Variants in MMP20 observed in about 807,000 individuals in gnomAD.
MMP20 encodes the protein matrix metallopeptidase 20, also known as matrix metalloproteinase-20.
In MMP20, 50 loss-of-function variants were observed where a neutral mutation model predicts 51.8. The ratio of observed to expected loss-of-function variants is 0.97; its 90% CI spans 0.77 to 1.22. MMP20 has a LOEUF of 1.22. Among genes scored for constraint, MMP20 ranks in the 50% most tolerant of loss-of-function variants. The pLI is 0.00. For synonymous variants in MMP20, 244 were observed against 216.2 expected, an observed-to-expected ratio of 1.13 and a Z score of -1.13; for missense variants, 663 against 601.4, an observed-to-expected ratio of 1.10 and a Z score of -1.07.
At chr11:102,588,751 T>C (rs1189218576) in intron 8 of MMP20, among the ~76,000 whole-genome samples, 2 of 151,688 alleles carry the variant, frequency 1.3e-5, no homozygotes, top group Admixed American at 6.6e-5. Context: ...TAAAGAACTT[T>C]CTTTAGTATC....
chr11:102,606,994 G>T (rs1238646578), intron 5 of MMP20: 4 of 354,236 alleles, frequency 1.1e-5, no homozygotes, highest in South Asian at 2.9e-5. Flanking sequence ...TTGGCACATA[G>T]TAAGTCTTCT....
rs181347616 is a variant in MMP20, at chr11:102,612,000, C to T, written c.375-97G>A. 8.4e-6 allele frequency: 10 copies of T among 1,193,502 alleles called. No homozygotes were observed. In the Admixed American group the frequency reaches 1.9e-4, roughly 23 times the overall value. 73.9% of individuals were successfully genotyped at this position (1,193,502 alleles called of 1,614,324 possible). On this transcript the variant is annotated intron_variant, in intron 2 of 9. Coordinates refer to ENST00000260228, the MANE Select transcript of MMP20 (RefSeq NM_004771.4). ...TCAAAAAATGTTAAATGTAAATCTACAATTTAGATTTTTCTCTGAAATAAT... is the reference window on the plus strand; with the variant it reads ...TCAAAAAATGTTAAATGTAAATCTATAATTTAGATTTTTCTCTGAAATAAT...
chr11:102,593,068 T>G (rs557625725), intron 8 of MMP20, among the ~76,000 whole-genome samples: 1 of 152,212 alleles, frequency 6.6e-6, no homozygotes, highest in African/African-American at 2.4e-5. Context: ...AATCATGGAG[T>G]ATTGTGGGAT....
rs139717539 is a variant in MMP20 at position 102,609,025 on chromosome 11, T to C, written c.723A>G (p.Ser241=). The stretch of plus-strand genomic sequence containing the variant: ...ACTTATAAGTTGGGTACATCAGTGC[T>C]GATGGGTCTGTGGAATGGGCCAGGC... ...ALGLAHSTDP[S]ALMYPTYKYK... Residue 241 remains serine (S), a synonymous_variant, in exon 5 of 10, where the codon TCA becomes TCG. Transcript: ENST00000260228. 1.1e-3 allele frequency: 1,764 copies of C among 1,614,038 alleles called. 3 individuals carry two copies. Among genetic ancestry groups the C allele is most frequent in the Non-Finnish European group, 1.4e-3 (1,616 of 1,179,880 alleles).
At chr11:102,581,799 C>T (rs767294684) in intron 8 of MMP20, among the ~76,000 whole-genome samples, 12 of 152,072 alleles carry the variant, frequency 7.9e-5, no homozygotes, top group South Asian at 2.1e-4. Context: ...TATGAGAAAA[C>T]GCTCAGCATG....
intron 8 of MMP20, among the ~76,000 whole-genome samples, chr11:102,592,957 A>T (rs1859334738): frequency 6.6e-6 from 1 of 152,238 alleles, no homozygotes; most frequent in Non-Finnish European, 1.5e-5. Flanking sequence ...GGATTTTCAT[A>T]TTCTAGGCTG....
chr11:102,625,110 A>G, intron 1 of MMP20, 84 bp downstream of exon 1: 5 of 1,542,846 alleles, frequency 3.2e-6, no homozygotes, highest in Non-Finnish European at 4.5e-6. Flanking sequence ...AGAACAATAG[A>G]ATTTTTTTCT....
chr11:102,587,298 T>C (rs537257493), intron 8 of MMP20, among the ~76,000 whole-genome samples: 32 of 152,364 alleles, frequency 2.1e-4, no homozygotes, highest in Non-Finnish European at 3.7e-4. Context: ...CTTTATTCTA[T>C]TGTGATCAGA....
intron 2 of MMP20, 144 bp downstream of exon 2, chr11:102,616,668 G>T: frequency 9.5e-7 from 1 of 1,056,876 alleles, no homozygotes; most frequent in Non-Finnish European, 1.4e-6. Context: ...ATTGCCTGAC[G>T]GATGGATGTA....
chr11:102,596,992 A>G (rs930126913), intron 6 of MMP20, among the ~76,000 whole-genome samples: 2 of 152,214 alleles, frequency 1.3e-5, no homozygotes, highest in East Asian at 3.8e-4. Context: ...AATTAATGCA[A>G]TTCAATACAT....
At chr11:102,599,069 G>A (rs1419772033) in intron 6 of MMP20, among the ~76,000 whole-genome samples, 1 of 149,814 alleles carries the variant, frequency 6.7e-6, no homozygotes, top group Non-Finnish European at 1.5e-5. Flanking sequence ...CTGGAGTGCA[G>A]CGGCGCAATC....
At chr11:102,610,759 G>GTT (rs1356660144) in intron 3 of MMP20, among the ~76,000 whole-genome samples, 4 of 146,702 alleles carry the variant, frequency 2.7e-5, no homozygotes, top group Non-Finnish European at 4.5e-5. Flanking sequence ...GTTTTAGTTT[G>GTT]TTTTTTTTTT....
In MMP20 at chr11:102,608,923, G is replaced by C. The variant is rs752261943; in HGVS notation, c.811+14C>G. 2 of 1,613,384 alleles carry C rather than the reference G, an allele frequency of 1.2e-6. No homozygotes were observed. The highest frequency in any genetic ancestry group is 4.5e-5 in the East Asian group (2 of 44,890). On this transcript the variant is annotated intron_variant, in intron 5 of 9. Transcript: ENST00000260228. ...AATTTCAGGGTGAGTCATCAAAGAA[G>C]GTAATAATCTTACCGTATAATGCCT...
intron 9 of MMP20, among the ~76,000 whole-genome samples, chr11:102,578,789 AC>A (rs1437674618): frequency 9.6e-4 from 112 of 116,548 alleles, no homozygotes; most frequent in African/African-American, 4.2e-3. Flanking sequence ...AAACACACAC[AC>A]ACAAAAACAA....
intron 8 of MMP20, among the ~76,000 whole-genome samples, chr11:102,590,247 A>G (rs1214818991): frequency 6.6e-6 from 1 of 152,222 alleles, no homozygotes; most frequent in East Asian, 1.9e-4. Context: ...TGATGGAACC[A>G]TTAGGGCCTG....
At chr11:102,608,914 A>T (rs1229341936) in intron 5 of MMP20, 23 bp downstream of exon 5, 1 of 1,612,812 alleles carries the variant, frequency 6.2e-7, no homozygotes, top group African/African-American at 1.3e-5. Context: ...AGGGTGAGTC[A>T]TCAAAGAAGG....
chr11:102,624,330 C>T (rs1859788804), intron 1 of MMP20, among the ~76,000 whole-genome samples: 1 of 134,270 alleles, frequency 7.4e-6, no homozygotes, highest in East Asian at 2.1e-4. Flanking sequence ...GTTGGAAATT[C>T]CATCCGTAGA....
rs1328094905 is a variant in MMP20, at chr11:102,625,224, C to A, written c.96G>T (p.Arg32Ser). The change falls in exon 1 of 10, where the codon AGG (arginine) becomes AGT (serine). Residue 32 changes from arginine to serine, a missense_variant. Physicochemically the swap from Arg to Ser is moderately radical, Grantham distance 110. Coordinates refer to ENST00000260228, the MANE Select transcript of MMP20 (RefSeq NM_004771.4). Reference sequence around the variant, plus strand: ...CGAGGCGGTAGTTGTTCCTCCAGGTCCTGGGGGAGGCTGCAACTAGGGAGG... The same window carrying A: ...CGAGGCGGTAGTTGTTCCTCCAGGTACTGGGGGAGGCTGCAACTAGGGAGG... ...AAPSLVAASPRTWRNNYRLAQ... is the reference protein window; with the variant it reads ...AAPSLVAASPSTWRNNYRLAQ... 3.7e-6 allele frequency: 6 copies of A among 1,613,720 alleles called. No homozygotes were observed. Among genetic ancestry groups the A allele is most frequent in the Non-Finnish European group, 5.1e-6 (6 of 1,179,962 alleles).
At chr11:102,582,574 G>A (rs148516089) in intron 8 of MMP20, among the ~76,000 whole-genome samples, 163 of 152,250 alleles carry the variant, frequency 1.1e-3, no homozygotes, top group Non-Finnish European at 2.0e-3. Flanking sequence ...GACAGTGATC[G>A]GGAATGAAGA....
Sources: allele counts gnomAD v4.1 joint callset (sites outside exome capture counted in the v4.1 genomes callset), GRCh38; gene constraint gnomAD v4.1.1; transcripts MANE v1.5; gene names NCBI Gene and HGNC (gene_info 2026-07-23, HGNC 2026-07-21).